EYS: variants seen among roughly 807,000 people sequenced by gnomAD.
The protein encoded by EYS is protein eyes shut homolog.
In EYS, 250 loss-of-function variants were observed where a neutral mutation model predicts 282.1. That is an observed-to-expected ratio of 0.89 (90% CI 0.80 to 0.98). The LOEUF (loss-of-function observed/expected upper bound fraction) is 0.98. Ranked by LOEUF, EYS falls within the 50% of genes least tolerant of loss-of-function variation. EYS has a pLI of 0.00. For synonymous variants in EYS, 1,355 were observed against 1,282.9 expected, an observed-to-expected ratio of 1.06 and a Z score of -1.20; for missense variants, 4,016 against 3,709.0, an observed-to-expected ratio of 1.08 and a Z score of -2.15.
At chr6:63,783,686 T>C (rs984172351) in intron 39 of EYS, among the ~76,000 whole-genome samples, 1 of 152,044 alleles carries the variant, frequency 6.6e-6, no homozygotes, top group African/African-American at 2.4e-5. Context: ...TGGGCTCTCA[T>C]TGAGGAGGTG....
At chr6:63,877,767 C>T (rs1204213319) in intron 35 of EYS, among the ~76,000 whole-genome samples, 1 of 152,166 alleles carries the variant, frequency 6.6e-6, no homozygotes, top group South Asian at 2.1e-4. Context: ...AAATCGGCTA[C>T]TGAAGCTTGT....
intron 41 of EYS, among the ~76,000 whole-genome samples, chr6:63,755,556 G>T (rs1769457070): frequency 6.6e-6 from 1 of 152,150 alleles, no homozygotes; most frequent in African/African-American, 2.4e-5. Context: ...TTTGAAGTCA[G>T]GTAGTGTGAT....
At chr6:64,468,327 C>CT (rs1283908193) in intron 26 of EYS, among the ~76,000 whole-genome samples, 1 of 152,238 alleles carries the variant, frequency 6.6e-6, no homozygotes, top group African/African-American at 2.4e-5. Flanking sequence ...TAGAATCAAC[C>CT]TTTCCTGAAC....
intron 35 of EYS, among the ~76,000 whole-genome samples, chr6:63,941,358 T>G (rs1241901145): frequency 6.6e-6 from 1 of 152,220 alleles, no homozygotes. Flanking sequence ...GTTTCCTGAC[T>G]TTTTAATGAT....
At chr6:64,753,052 A>C (rs1772815484) in intron 22 of EYS, among the ~76,000 whole-genome samples, 1 of 152,176 alleles carries the variant, frequency 6.6e-6, no homozygotes, top group Non-Finnish European at 1.5e-5. Flanking sequence ...ACAAATGCTA[A>C]GGAAATTCAT....
rs182969682 is a variant in EYS at position 64,200,640 on chromosome 6, T to C, written c.6424+29952A>G. On this transcript the variant is annotated intron_variant, in intron 31 of 42. Coordinates refer to ENST00000503581, the MANE Select transcript of EYS (RefSeq NM_001142800.2). ...ATGGCTCAGAATTCCTGGAGGTATT[T>C]TGATGTGGAACAGGAGAGAAGCAGA... 2.2e-3 allele frequency among the ~76,000 whole-genome samples: 330 copies of C among 152,222 alleles called. 1 individual carries two copies. The highest frequency in any genetic ancestry group is 2.2e-3 in the Non-Finnish European group (148 of 67,994).
At chr6:65,008,044 C>T (rs919839829) in intron 13 of EYS, among the ~76,000 whole-genome samples, 1 of 152,112 alleles carries the variant, frequency 6.6e-6, no homozygotes, top group Non-Finnish European at 1.5e-5. Context: ...AGAATGATTC[C>T]CCACAGGCCA....
intron 31 of EYS, among the ~76,000 whole-genome samples, chr6:64,162,644 G>A (rs1775143593): frequency 6.6e-6 from 1 of 152,112 alleles, no homozygotes; most frequent in Non-Finnish European, 1.5e-5. Context: ...AAGGAAAGCA[G>A]CAGAGGCTTC....
At chr6:64,111,795 G>C (rs1454657385) in intron 31 of EYS, among the ~76,000 whole-genome samples, 1 of 151,880 alleles carries the variant, frequency 6.6e-6, no homozygotes, top group East Asian at 1.9e-4. Context: ...TTTAAATTCT[G>C]GTTGAAAGTC....
chr6:63,721,420 C>A lies in EYS; in HGVS notation c.8611G>T (p.Val2871Leu), dbSNP rs948892214. ...CAGGCTGTCCCATCACAGTCACCTA[C>A]ATTTGAGCCACCTTTTGCTCCAAAT... ...TEFGAKGGSN[V>L]GDCDGTACGY... The change falls in exon 43 of 43, where the codon GTA becomes TTA. Residue 2871 changes from valine (V) to leucine (L), a missense_variant. By Grantham distance (32) the Val-to-Leu change is conservative. Transcript: ENST00000503581. The A allele has an allele frequency of 1.9e-6, 3 of 1,551,724 alleles. No homozygotes were observed. Among genetic ancestry groups the A allele is most frequent in the Non-Finnish European group, 2.6e-6 (3 of 1,146,952 alleles).
rs1013462537 is a variant in EYS at position 65,404,615 on chromosome 6, A to C, written c.1056+559T>G. The stretch of plus-strand genomic sequence containing the variant: ...TGGAGTAAAAAATGTTCTTCTATAA[A>C]CTTTTATCTGTATATTATGTTCTAT... On this transcript the variant is annotated intron_variant, in intron 6 of 42. Coordinates refer to ENST00000503581, the MANE Select transcript of EYS (RefSeq NM_001142800.2). 8.6e-5 allele frequency among the ~76,000 whole-genome samples: 13 copies of C among 151,998 alleles called. 1 individual carries two copies. Among genetic ancestry groups the C allele is most frequent in the African/African-American group, 2.4e-4 (10 of 41,498 alleles).
intron 26 of EYS, among the ~76,000 whole-genome samples, chr6:64,491,934 T>C (rs1776753138): frequency 6.6e-6 from 1 of 151,302 alleles, no homozygotes; most frequent in East Asian, 1.9e-4. Context: ...TTTACATATA[T>C]TAATCCCTTT....
At chr6:64,416,835 T>A (rs1774072175) in intron 28 of EYS, among the ~76,000 whole-genome samples, 1 of 152,152 alleles carries the variant, frequency 6.6e-6, no homozygotes, top group Non-Finnish European at 1.5e-5. Flanking sequence ...TAACAAAAAA[T>A]TATCAATGTT....
At chr6:64,507,245 T>C (rs1035888630) in intron 26 of EYS, among the ~76,000 whole-genome samples, 9 of 152,140 alleles carry the variant, frequency 5.9e-5, no homozygotes, top group African/African-American at 2.2e-4. Context: ...TCATGTCCTT[T>C]GTAGGGACAT....
At chr6:64,532,700 C>T (rs1341967058) in intron 26 of EYS, among the ~76,000 whole-genome samples, 1 of 152,046 alleles carries the variant, frequency 6.6e-6, no homozygotes, top group African/African-American at 2.4e-5. Flanking sequence ...CGGAGTGAGA[C>T]TCCGTCTCAA....
At chr6:65,448,892 C>T (rs954864412) in intron 5 of EYS, among the ~76,000 whole-genome samples, 2 of 152,026 alleles carry the variant, frequency 1.3e-5, no homozygotes, top group African/African-American at 2.4e-5. Flanking sequence ...GCTGTGTTCA[C>T]AATGTATGAT....
At chr6:65,003,759 G>A (rs1771544359) in intron 13 of EYS, among the ~76,000 whole-genome samples, 1 of 147,386 alleles carries the variant, frequency 6.8e-6, no homozygotes, top group African/African-American at 2.4e-5. Context: ...TATCAGGGCA[G>A]GTTACCTGAT....
chr6:64,240,118 T>C (rs1766756996), intron 30 of EYS, among the ~76,000 whole-genome samples: 1 of 152,198 alleles, frequency 6.6e-6, no homozygotes, highest in Admixed American at 6.5e-5. Context: ...TCTATATCTC[T>C]GTTTTGGTAC....
chr6:65,282,582 A>G (rs1768254106), intron 12 of EYS, among the ~76,000 whole-genome samples: 1 of 152,002 alleles, frequency 6.6e-6, no homozygotes, highest in Non-Finnish European at 1.5e-5. Context: ...AGAACAGAAA[A>G]CTTTAACTTG....
Sources: gnomAD v4.1 joint callset for allele counts (sites outside exome capture counted in the v4.1 genomes callset) on GRCh38, gnomAD v4.1.1 for gene constraint, MANE v1.5 for transcripts, NCBI Gene and HGNC (gene_info 2026-07-23, HGNC 2026-07-21) for gene names.